Variants in CEP295 observed in about 807,000 individuals in gnomAD.
CEP295 encodes centrosomal protein of 295 kDa.
CEP295 carries 190 observed loss-of-function variants against 291.6 expected under a neutral mutation model. The ratio of observed to expected loss-of-function variants is 0.65; its 90% CI spans 0.58 to 0.73. The LOEUF is 0.73. Among genes scored for constraint, CEP295 ranks in the 30% least tolerant of loss-of-function variants. CEP295 has a pLI of 0.00. For missense variants in CEP295, 2,863 were observed against 2,949.4 expected, an observed-to-expected ratio of 0.97 and a Z score of 0.68; for synonymous variants, 993 against 1,038.8, an observed-to-expected ratio of 0.96 and a Z score of 0.85.
At chr11:93,716,117 T>C (rs1953222741) in intron 18 of CEP295, among the ~76,000 whole-genome samples, 2 of 152,184 alleles carry the variant, frequency 1.3e-5, no homozygotes, top group South Asian at 4.1e-4. Context: ...TGTTTAGGAC[T>C]CCAGAGCACT....
intron 10 of CEP295, among the ~76,000 whole-genome samples, chr11:93,688,885 C>T (rs1951380108): frequency 6.6e-6 from 1 of 152,110 alleles, no homozygotes; most frequent in African/African-American, 2.4e-5. Flanking sequence ...GTTGATATCC[C>T]CTCCCACCAC....
Position 93,683,625 on chromosome 11 carries a change from A to G in CEP295, c.832A>G (p.Thr278Ala). Residue 278 changes from threonine to alanine, a missense_variant, in exon 8 of 30, where the codon ACT becomes GCT. Around this residue, in one of 3 missense-constraint regions of CEP295, gnomAD observed 554 missense variants for 576.0 expected, o/e 0.96. Coordinates refer to ENST00000325212, the MANE Select transcript of CEP295 (RefSeq NM_033395.2). ...AGAGGACCTGGCACGTAGGAGACAGACTGTAGCACAAATGCCACCACAACT... is the reference window on the plus strand; with the variant it reads ...AGAGGACCTGGCACGTAGGAGACAGGCTGTAGCACAAATGCCACCACAACT... ...QQEDLARRRQTVAQMPPQLVE... is the reference protein window; with the variant it reads ...QQEDLARRRQAVAQMPPQLVE... 6.5e-7 allele frequency: 1 copy of G among 1,549,168 alleles called. No homozygotes were observed. The highest frequency in any genetic ancestry group is 8.7e-7 in the Non-Finnish European group (1 of 1,146,468).
rs557907681 is a variant in CEP295, at chr11:93,702,147, C to T, written c.5275-313C>T. Among the ~76,000 whole-genome samples the T allele has an allele frequency of 1.1e-4, 17 of 151,990 alleles. No individual in the cohort carries two copies. In the South Asian group the frequency reaches 2.9e-3, roughly 26 times the overall value. On this transcript the variant is annotated intron_variant, in intron 15 of 29. Transcript: ENST00000325212. Reference sequence around the variant, plus strand: ...CCAATTTTTGTATTTTTAGTAGAGACGGGATTTCACCATGTTGGCCAGGCT... The same window carrying T: ...CCAATTTTTGTATTTTTAGTAGAGATGGGATTTCACCATGTTGGCCAGGCT...
In CEP295 at chr11:93,696,941, G is replaced by A. The variant is rs1408025346; in HGVS notation, c.2029G>A (p.Ala677Thr). The change falls in exon 15 of 30, where the codon GCG (alanine) becomes ACG (threonine). Residue 677 changes from alanine (A) to threonine (T), a missense_variant. Coordinates refer to ENST00000325212, the MANE Select transcript of CEP295 (RefSeq NM_033395.2). ...ATTAGAACAAGATCATTTTCAGGTA[G>A]CGAGACAAAATCACTTTCCACAAAG... is the stretch of plus-strand genomic sequence containing the variant. ...SKLEQDHFQV[A>T]RQNHFPQRQV... 2.5e-5 allele frequency: 39 copies of A among 1,551,892 alleles called. No homozygotes were observed. Among genetic ancestry groups the A allele is most frequent in the Non-Finnish European group, 3.1e-5 (35 of 1,147,092 alleles).
In CEP295 at chr11:93,729,519, C is replaced by G. The variant is rs2135384179; in HGVS notation, c.7388C>G (p.Thr2463Arg). Residue 2463 changes from threonine to arginine, a missense_variant, in exon 26 of 30, where the codon ACA becomes AGA. This residue lies in a region of CEP295 where 2,295 missense variants were observed against 2,335.7 expected (regional missense o/e 0.98). Coordinates refer to ENST00000325212, the MANE Select transcript of CEP295 (RefSeq NM_033395.2). ...VSELSIEKPR[T>R]ASTETPRRLT... is the part of the protein sequence containing the mutation. ...GAACTTTCCATAGAAAAACCAAGGA[C>G]AGCATCTACAGGTAAGCCTTGGACG... 6.4e-7 allele frequency: 1 copy of G among 1,551,448 alleles called. No homozygotes were observed. The highest frequency in any genetic ancestry group is 8.7e-7 in the Non-Finnish European group (1 of 1,146,608).
In CEP295 at chr11:93,701,129, C is replaced by G. The variant is rs1350214492; in HGVS notation, c.5274+943C>G. On this transcript the variant is annotated intron_variant, in intron 15 of 29. Transcript: ENST00000325212. ...CTTATAATCCCAGCACTTTGAGAGG[C>G]CGTGGCAGGTGGATCTCCTGAGCCC... Among the ~76,000 whole-genome samples, 4 of 152,136 alleles carry G rather than the reference C, an allele frequency of 2.6e-5. No homozygotes were observed. The South Asian group carries it at 6.2e-4, about 24-fold the overall frequency.
intron 10 of CEP295, among the ~76,000 whole-genome samples, chr11:93,690,255 C>G (rs528380466): frequency 1.7e-4 from 26 of 152,160 alleles, no homozygotes; most frequent in Non-Finnish European, 3.5e-4. Flanking sequence ...ACTAAAAATA[C>G]AAAAGATTAG....
chr11:93,705,756 C>T (rs978486098), intron 17 of CEP295, among the ~76,000 whole-genome samples: 1 of 152,070 alleles, frequency 6.6e-6, no homozygotes, highest in Non-Finnish European at 1.5e-5. Flanking sequence ...GAACGGGATG[C>T]TAAAAGGCCA....
intron 9 of CEP295, among the ~76,000 whole-genome samples, chr11:93,684,792 T>C (rs1030182261): frequency 6.6e-6 from 1 of 152,210 alleles, no homozygotes; most frequent in Non-Finnish European, 1.5e-5. Context: ...CTGGATCTCT[T>C]ATTTGGCATC....
At position 93,699,448 on chromosome 11, in the gene CEP295, A is replaced by C; in HGVS notation, c.4536A>C (p.Leu1512Phe). 6.4e-7 allele frequency: 1 copy of C among 1,551,790 alleles called. No homozygotes were observed. The highest frequency in any genetic ancestry group is 8.7e-7 in the Non-Finnish European group (1 of 1,147,004). The change falls in exon 15 of 30, where the codon TTA (leucine) becomes TTC (phenylalanine). Residue 1512 changes from leucine to phenylalanine, a missense_variant. Around this residue, in one of 3 missense-constraint regions of CEP295, gnomAD observed 2,295 missense variants for 2,335.7 expected, o/e 0.98. Transcript: ENST00000325212. Reference protein sequence around the residue: ...HGDLQALQQQLDTQKKAIRSI... With the variant: ...HGDLQALQQQFDTQKKAIRSI... ...ATTTGCAGGCACTTCAACAGCAGTT[A>C]GATACACAGAAGAAAGCCATTCGAT...
chr11:93,674,199 G>A (rs1251907149), intron 5 of CEP295, among the ~76,000 whole-genome samples: 2 of 152,098 alleles, frequency 1.3e-5, no homozygotes, highest in African/African-American at 4.8e-5. Flanking sequence ...CTGACCTCAA[G>A]TGATCCACCT....
intron 10 of CEP295, among the ~76,000 whole-genome samples, chr11:93,690,448 A>G (rs1951466129): frequency 6.6e-6 from 1 of 151,704 alleles, no homozygotes; most frequent in Non-Finnish European, 1.5e-5. Flanking sequence ...AGTCCCAGCT[A>G]CTTGGGAGGC....
chr11:93,667,847 ATAT>A (rs1246374963), intron 3 of CEP295, 40 bp downstream of exon 3: 1 of 1,345,310 alleles, frequency 7.4e-7, no homozygotes, highest in African/African-American at 1.5e-5. Context: ...TGTGGCAGTA[ATAT>A]TAGTAAAAAG....
In CEP295 at chr11:93,675,555, A is replaced by G. The variant is rs926782155; in HGVS notation, c.529-16A>G. 1.5e-6 allele frequency: 2 copies of G among 1,347,310 alleles called. No homozygotes were observed. Among genetic ancestry groups the G allele is most frequent in the Non-Finnish European group, 2.0e-6 (2 of 1,002,794 alleles). 83.5% of individuals were successfully genotyped at this position (1,347,310 alleles called of 1,614,324 possible). On this transcript the variant is annotated splice_polypyrimidine_tract_variant and intron_variant, in intron 5 of 29. Transcript: ENST00000325212. ...ATTAATGCTTTTAACCTATTTTTTT[A>G]TGTTCTCTTTTCCAGAACATCGAAG... is the stretch of plus-strand genomic sequence containing the variant.
At chr11:93,711,255 C>T (rs1220241878) in intron 18 of CEP295, among the ~76,000 whole-genome samples, 1 of 151,992 alleles carries the variant, frequency 6.6e-6, no homozygotes, top group Non-Finnish European at 1.5e-5. Context: ...ATAAATTTCC[C>T]TCTTAGTACT....
intron 18 of CEP295, among the ~76,000 whole-genome samples, chr11:93,720,789 G>A (rs1452268438): frequency 6.6e-6 from 1 of 152,038 alleles, no homozygotes; most frequent in Non-Finnish European, 1.5e-5. Flanking sequence ...TAGAGATGAG[G>A]TTTCACTGTG....
At position 93,729,553 on chromosome 11, in the gene CEP295, A is replaced by T. The variant is rs370511500; in HGVS notation, c.7399+23A>T. On this transcript the variant is annotated intron_variant, in intron 26 of 29. Coordinates refer to ENST00000325212, the MANE Select transcript of CEP295 (RefSeq NM_033395.2). ...CAGGTAAGCCTTGGACGGCCTCCAC[A>T]CTTCTAATGGAAAGTAGATACTTTG... 130 of 1,549,732 alleles carry T rather than the reference A, an allele frequency of 8.4e-5. No homozygotes were observed. The African/African-American group carries it at 1.7e-3, about 20-fold the overall frequency.
Position 93,697,836 on chromosome 11 carries a change from A to T in CEP295, c.2924A>T (p.Tyr975Phe). Reference protein sequence around the residue: ...QARREAQEVLYVHKQSELDRR... With the variant: ...QARREAQEVLFVHKQSELDRR... ...AGGCGAGAAGCCCAGGAAGTATTGT[A>T]TGTACATAAACAGAGTGAATTGGAT... The change falls in exon 15 of 30, where the codon TAT becomes TTT. Residue 975 changes from tyrosine (Y) to phenylalanine (F), a missense_variant. Tyr to Phe is a conservative substitution (Grantham distance 22). Transcript: ENST00000325212. 1 of 1,551,676 alleles carries T rather than the reference A, an allele frequency of 6.4e-7. No individual in the cohort carries two copies. The highest frequency in any genetic ancestry group is 1.2e-5 in the South Asian group (1 of 84,056).
chr11:93,695,743 G>T lies in CEP295; in HGVS notation c.1671+109G>T, dbSNP rs1951814677. The T allele has an allele frequency of 2.3e-6, 3 of 1,282,182 alleles. No individual in the cohort carries two copies. The African/African-American group carries it at 4.7e-5, about 20-fold the overall frequency. 79.4% of individuals were successfully genotyped at this position (1,282,182 alleles called of 1,614,324 possible). On this transcript the variant is annotated intron_variant, in intron 13 of 29. Transcript: ENST00000325212. The stretch of plus-strand genomic sequence containing the variant: ...GTAAAATGGATGGCTGGGCGCGGTG[G>T]CTCATGCCTGTAATCTCAGCACTTT...
Sources: gnomAD v4.1 joint callset for allele counts (sites outside exome capture counted in the v4.1 genomes callset) on GRCh38, gnomAD v4.1.1 for gene constraint, gnomAD v4.1.1 regional missense constraint, MANE v1.5 for transcripts, NCBI Gene and HGNC (gene_info 2026-07-23, HGNC 2026-07-21) for gene names.